The following SERPINE2 variants were observed in gnomAD, a reference collection of about 807,000 sequenced individuals.
SERPINE2 encodes glia-derived nexin.
In SERPINE2, 14 loss-of-function variants were observed where a neutral mutation model predicts 36.3. The ratio of observed to expected loss-of-function variants is 0.39; its 90% CI spans 0.25 to 0.60. The LOEUF (loss-of-function observed/expected upper bound fraction) is 0.60. Among genes scored for constraint, SERPINE2 ranks in the 20% least tolerant of loss-of-function variants. The pLI is 0.57. For synonymous variants in SERPINE2, 192 were observed against 191.8 expected (o/e 1.00, Z -0.01); for missense variants, 418 against 499.6 (o/e 0.84, Z 1.56).
chr2:223,975,998 CAT>C, intron 8 of SERPINE2, 94 bp from the exon 9 acceptor site: 1 of 1,150,986 alleles, frequency 8.7e-7, no homozygotes, highest in Non-Finnish European at 1.3e-6. Flanking sequence ...GGGAAACAAT[CAT>C]GTTTGACCTC....
At chr2:224,021,083 G>A (rs1674700840) in intron 1 of SERPINE2, among the ~76,000 whole-genome samples, 1 of 152,196 alleles carries the variant, frequency 6.6e-6, no homozygotes, top group African/African-American at 2.4e-5. Context: ...CCAGGAAAAA[G>A]AGACCATGGA....
intron 1 of SERPINE2, among the ~76,000 whole-genome samples, chr2:224,003,306 G>A (rs1006581111): frequency 1.3e-5 from 2 of 152,206 alleles, no homozygotes; most frequent in Non-Finnish European, 1.5e-5. Flanking sequence ...GTAAGGTCCT[G>A]TAGAGCCTGG....
At chr2:224,021,860 C>T (rs7563863) in intron 1 of SERPINE2, among the ~76,000 whole-genome samples, 143,797 of 152,230 alleles carry the variant, frequency 0.94, 68,274 homozygotes, top group Non-Finnish European at 0.99. Context: ...CTAGTCTCTA[C>T]TAAAAATACA....
chr2:224,011,659 A>T (rs1482950042), intron 1 of SERPINE2, among the ~76,000 whole-genome samples: 4 of 152,222 alleles, frequency 2.6e-5, no homozygotes, highest in African/African-American at 7.2e-5. Flanking sequence ...TTGATTTTTT[A>T]AAAATCTTTT....
At position 224,001,868 on chromosome 2, in the gene SERPINE2, G is replaced by C; in HGVS notation, c.33C>G (p.Ala11=). ...AGCAGATGGAAGGCAGCGTCACAGA[G>C]GCCAAGAGGAAGAGGGGGAGATGCC... MNWHLPLFLL[A]SVTLPSICSH... Residue 11 remains alanine (A), a synonymous_variant, in exon 2 of 9, where the codon GCC becomes GCG. Coordinates refer to ENST00000409304, the MANE Select transcript of SERPINE2 (RefSeq NM_001136528.2). 2 of 1,613,958 alleles carry C rather than the reference G, an allele frequency of 1.2e-6. No homozygotes were observed. The highest frequency in any genetic ancestry group is 1.7e-6 in the Non-Finnish European group (2 of 1,179,850).
intron 1 of SERPINE2, among the ~76,000 whole-genome samples, chr2:224,022,346 A>G (rs561191472): frequency 1.5e-3 from 233 of 151,950 alleles, no homozygotes; most frequent in African/African-American, 5.0e-3. Context: ...AAAAAAAAAA[A>G]AAAAAATTTA....
rs757016357 is a variant in SERPINE2 at position 223,984,528 on chromosome 2, C to A, written c.884+224G>T. Among the ~76,000 whole-genome samples, 19 of 152,136 alleles carry A rather than the reference C, an allele frequency of 1.2e-4. 1 individual carries two copies. The highest frequency in any genetic ancestry group is 9.7e-5 in the African/African-American group (4 of 41,420). On this transcript the variant is annotated intron_variant, in intron 5 of 8. Coordinates refer to ENST00000409304, the MANE Select transcript of SERPINE2 (RefSeq NM_001136528.2). ...TGTGGAGGTTTAGAGACCAAGGTTG[C>A]CCTCTCTCCTTTCTTATGATCCATA...
In SERPINE2 at chr2:224,038,387, G is replaced by A. The variant is rs1200710315; in HGVS notation, c.-23+712C>T. 24 of 904,724 alleles carry A rather than the reference G, an allele frequency of 2.7e-5. No individual in the cohort carries two copies. The Middle Eastern group carries it at 6.3e-4, about 24-fold the overall frequency. 56.0% of individuals were successfully genotyped at this position (904,724 alleles called of 1,614,324 possible). A position where few individuals can be genotyped will look rare whatever the true frequency, so the allele number is the denominator to read the frequency against. On this transcript the variant is annotated intron_variant, in intron 1 of 8. Transcript: ENST00000409304. ...ATCTTCCATAATACCTGAAGGTGGA[G>A]TGCTGTCTTATGTAATAGAAGCCTT...
intron 5 of SERPINE2, 118 bp downstream of exon 5, chr2:223,984,634 C>T (rs1690353807): frequency 3.3e-6 from 3 of 917,528 alleles, no homozygotes; most frequent in Admixed American, 5.1e-5. Context: ...GAAATTTCTG[C>T]AGAACAGAAC....
chr2:223,980,303 G>A lies in SERPINE2; in HGVS notation c.1072+8C>T, dbSNP rs1690177572. On this transcript the variant is annotated splice_region_variant and intron_variant, in intron 7 of 8. Coordinates refer to ENST00000409304, the MANE Select transcript of SERPINE2 (RefSeq NM_001136528.2). ...AGAGGAAGCCCTGCCACGTGACCCA[G>A]TGCTTACTTGTTGCTGCTGAAGCTT... 6.2e-7 allele frequency: 1 copy of A among 1,612,974 alleles called. No homozygotes were observed.
At chr2:224,005,065 T>TTATATATTTTATATATATA (rs1553547022) in intron 1 of SERPINE2, among the ~76,000 whole-genome samples, 2 of 33,578 alleles carry the variant, frequency 6.0e-5, no homozygotes, top group East Asian at 1.3e-3. Flanking sequence ...TTTATATATA[T>TTATATATTTTATATATATA]TATATATATA....
At chr2:224,000,885 T>C (rs144487753) in intron 2 of SERPINE2, among the ~76,000 whole-genome samples, 302 of 152,340 alleles carry the variant, frequency 2.0e-3, no homozygotes, top group African/African-American at 6.6e-3. Flanking sequence ...GGCTGCATAG[T>C]ATTCCATGGT....
At chr2:223,980,217 G>A (rs1291164539) in intron 7 of SERPINE2, 94 bp downstream of exon 7, 1 of 1,026,364 alleles carries the variant, frequency 9.7e-7, no homozygotes, top group Non-Finnish European at 1.5e-6. Context: ...TGGCTGGAAA[G>A]AGGGTGCATT....
intron 1 of SERPINE2, among the ~76,000 whole-genome samples, chr2:224,024,437 T>G (rs1364354628): frequency 1.3e-5 from 2 of 152,170 alleles, no homozygotes; most frequent in Non-Finnish European, 1.5e-5. Context: ...CTGACTCCAT[T>G]TCCTTTGCTA....
At chr2:224,014,423 T>C (rs571051016) in intron 1 of SERPINE2, among the ~76,000 whole-genome samples, 1 of 151,696 alleles carries the variant, frequency 6.6e-6, no homozygotes, top group South Asian at 2.1e-4. Context: ...AACCACTAGG[T>C]AAATTGGTAT....
intron 1 of SERPINE2, 44 bp from the exon 2 acceptor site, chr2:224,001,966 G>A (rs138510893): frequency 3.4e-6 from 5 of 1,491,588 alleles, no homozygotes; most frequent in Non-Finnish European, 3.6e-6. Flanking sequence ...ACTTAAATGG[G>A]TACTTTACTA....
intron 3 of SERPINE2, among the ~76,000 whole-genome samples, chr2:223,994,120 C>T (rs183790078): frequency 1.3e-5 from 2 of 152,270 alleles, no homozygotes; most frequent in African/African-American, 4.8e-5. Flanking sequence ...TCTCTGCTCC[C>T]GATTTCTGTA....
At chr2:224,012,165 C>A (rs1435994239) in intron 1 of SERPINE2, among the ~76,000 whole-genome samples, 1 of 152,172 alleles carries the variant, frequency 6.6e-6, no homozygotes, top group Non-Finnish European at 1.5e-5. Flanking sequence ...TTGGTTTCTT[C>A]CCTTTCTAAT....
chr2:224,028,558 C>G lies in SERPINE2; in HGVS notation c.-23+10541G>C, dbSNP rs190915102. 3.4e-4 allele frequency among the ~76,000 whole-genome samples: 52 copies of G among 152,300 alleles called. No homozygotes were observed. In the East Asian group the frequency reaches 9.5e-3, roughly 28 times the overall value. On this transcript the variant is annotated intron_variant, in intron 1 of 8. Transcript: ENST00000409304. The stretch of plus-strand genomic sequence containing the variant: ...GTTTCAGGATCCAAAGTGTCCACCA[C>G]AGAGAGACACAGACCCGGAGTCTAT...
Sources: gnomAD v4.1 joint callset for allele counts (sites outside exome capture counted in the v4.1 genomes callset) on GRCh38, gnomAD v4.1.1 for gene constraint, MANE v1.5 for transcripts, NCBI Gene and HGNC (gene_info 2026-07-23, HGNC 2026-07-21) for gene names.